CAMTA1: variants seen among roughly 807,000 people sequenced by gnomAD.
CAMTA1 encodes calmodulin-binding transcription activator 1.
A neutral mutation model predicts 170.9 loss-of-function variants in CAMTA1; 27 were observed. That is an observed-to-expected ratio of 0.16 (90% CI 0.12 to 0.22). The LOEUF (loss-of-function observed/expected upper bound fraction) is 0.22, where lower values mean the gene tolerates loss of function less well. Among genes scored for constraint, CAMTA1 ranks in the 10% least tolerant of loss-of-function variants. The probability of loss-of-function intolerance (pLI) is 1.00; values close to 1 mark genes in which losing one functional copy is unlikely to be tolerated. For synonymous variants in CAMTA1, 833 were observed against 891.5 expected (o/e 0.93, Z 1.17); for missense variants, 1,619 against 2,217.2 (o/e 0.73, Z 5.42).
At chr1:7,269,499 A>T (rs543293644) in intron 5 of CAMTA1, among the ~76,000 whole-genome samples, 2 of 152,250 alleles carry the variant, frequency 1.3e-5, no homozygotes, top group African/African-American at 4.8e-5. Flanking sequence ...CAATATGCCC[A>T]GAATCAACAG....
intron 4 of CAMTA1, among the ~76,000 whole-genome samples, chr1:7,221,906 T>TACCCACACACAC (rs1660839050): frequency 6.8e-6 from 1 of 147,552 alleles, no homozygotes; most frequent in Admixed American, 6.7e-5. Flanking sequence ...AGCTGGTGCA[T>TACCCACACACAC]ACACACACAC....
At chr1:7,621,410 T>G (rs897332766) in intron 6 of CAMTA1, among the ~76,000 whole-genome samples, 1 of 152,228 alleles carries the variant, frequency 6.6e-6, no homozygotes, top group East Asian at 1.9e-4. Flanking sequence ...GAATTTCCCC[T>G]TGGCTCCTGA....
At chr1:7,295,149 G>GT (rs908702221) in intron 5 of CAMTA1, among the ~76,000 whole-genome samples, 18 of 152,018 alleles carry the variant, frequency 1.2e-4, no homozygotes, top group South Asian at 6.2e-4. Flanking sequence ...TGGCTTTGGG[G>GT]TTTTTTTTGT....
At chr1:7,136,103 A>G (rs1429758365) in intron 4 of CAMTA1, among the ~76,000 whole-genome samples, 3 of 152,176 alleles carry the variant, frequency 2.0e-5, no homozygotes, top group Non-Finnish European at 4.4e-5. Context: ...CCCTGGTGCT[A>G]TAAGATTCCA....
chr1:7,083,747 A>G (rs1009113), intron 3 of CAMTA1, among the ~76,000 whole-genome samples: 133,889 of 152,240 alleles, frequency 0.88, 59,270 homozygotes, highest in African/African-American at 0.97. Context: ...CCGTAAACAT[A>G]TTGGTTAGAA....
rs1476000326 is a variant in CAMTA1 at position 7,493,129 on chromosome 1, GACAT to G, written c.510+25232_510+25235del. Among the ~76,000 whole-genome samples the G allele has an allele frequency of 7.4e-5, 8 of 108,076 alleles. No individual in the cohort carries two copies. In the South Asian group the frequency reaches 1.9e-3, roughly 25 times the overall value. The allele number at this position is 108,076 out of a possible 152,430, so 70.9% of individuals were successfully genotyped here. On this transcript the variant is annotated intron_variant, in intron 6 of 22. Coordinates refer to ENST00000303635, the MANE Select transcript of CAMTA1 (RefSeq NM_015215.4). ...CTACATACACACACGCGCACACACAGACATACAAACGTGAGCACACAACACAAAC... is the reference window on the plus strand; with the variant it reads ...CTACATACACACACGCGCACACACAGACAAACGTGAGCACACAACACAAAC...
At chr1:6,977,488 G>A (rs750480939) in intron 3 of CAMTA1, among the ~76,000 whole-genome samples, 6 of 152,138 alleles carry the variant, frequency 3.9e-5, no homozygotes, top group East Asian at 1.9e-4. Context: ...CTACACGTGC[G>A]TGCCACCACA....
At chr1:7,500,935 G>A (rs1476545305) in intron 6 of CAMTA1, among the ~76,000 whole-genome samples, 1 of 152,162 alleles carries the variant, frequency 6.6e-6, no homozygotes, top group Non-Finnish European at 1.5e-5. Flanking sequence ...AGGGGTCCCA[G>A]GCAGAAACTC....
At chr1:7,147,972 C>G (rs368304377) in intron 4 of CAMTA1, among the ~76,000 whole-genome samples, 2,300 of 151,720 alleles carry the variant, frequency 0.015, 65 homozygotes, top group African/African-American at 0.054. Context: ...ACACCATGCA[C>G]ACATGCATGC....
chr1:7,532,644 C>G lies in CAMTA1; in HGVS notation c.510+64743C>G, dbSNP rs141843787. The stretch of plus-strand genomic sequence containing the variant: ...ATTGAAACTTACAAAAAGCATAGGG[C>G]TTGGCAACCTCCCTCTTCTCCCTGG... On this transcript the variant is annotated intron_variant, in intron 6 of 22. Transcript: ENST00000303635. The surrounding 1 kb of genome is among the most constrained non-coding windows in gnomAD (Gnocchi z 4.2). Among the ~76,000 whole-genome samples the G allele has an allele frequency of 2.3e-3, 345 of 152,302 alleles. 1 individual carries two copies. Among genetic ancestry groups the G allele is most frequent in the African/African-American group, 7.9e-3 (329 of 41,568 alleles).
chr1:6,820,395 G>A, intron 2 of CAMTA1, 145 bp downstream of exon 2: 1 of 706,920 alleles, frequency 1.4e-6, no homozygotes, highest in Non-Finnish European at 2.4e-6. Context: ...TCTTAGATGA[G>A]TTACTTAATC....
chr1:6,963,483 C>T (rs550904829), intron 3 of CAMTA1, among the ~76,000 whole-genome samples: 8 of 152,040 alleles, frequency 5.3e-5, no homozygotes, highest in Admixed American at 1.3e-4. Context: ...GACCTATAAA[C>T]CCTGTTCTTC....
intron 6 of CAMTA1, among the ~76,000 whole-genome samples, chr1:7,604,063 G>T (rs1218253091): frequency 6.6e-6 from 1 of 152,202 alleles, no homozygotes; most frequent in East Asian, 1.9e-4. Context: ...CTGTTACTCT[G>T]ATGGGCTTCC....
intron 3 of CAMTA1, among the ~76,000 whole-genome samples, chr1:6,861,113 G>A (rs920171639): frequency 6.6e-6 from 1 of 151,778 alleles, no homozygotes; most frequent in African/African-American, 2.4e-5. Context: ...ATGCCACCAC[G>A]CCCGGCTAAT....
rs184298035 is a variant in CAMTA1 at position 7,072,280 on chromosome 1, A to G, written c.235-19024A>G. ...GCTGGTTGGCTATTTCTGACTTTTGAGGTTGTCAGGCAACATGTCTGGGCA... is the reference window on the plus strand; with the variant it reads ...GCTGGTTGGCTATTTCTGACTTTTGGGGTTGTCAGGCAACATGTCTGGGCA... On this transcript the variant is annotated intron_variant, in intron 3 of 22. Coordinates refer to ENST00000303635, the MANE Select transcript of CAMTA1 (RefSeq NM_015215.4). 2.0e-5 allele frequency among the ~76,000 whole-genome samples: 3 copies of G among 152,266 alleles called. No homozygotes were observed. The East Asian group carries it at 5.8e-4, about 29-fold the overall frequency.
At chr1:7,583,913 A>T (rs72867129) in intron 6 of CAMTA1, among the ~76,000 whole-genome samples, 1 of 152,060 alleles carries the variant, frequency 6.6e-6, no homozygotes, top group Non-Finnish European at 1.5e-5. Context: ...GTGGCATCAG[A>T]TCTGGGCTCT....
At chr1:7,400,178 C>A (rs2089782323) in intron 5 of CAMTA1, among the ~76,000 whole-genome samples, 1 of 152,096 alleles carries the variant, frequency 6.6e-6, no homozygotes, top group Admixed American at 6.6e-5. Context: ...ATTCTGTTTT[C>A]TCTTTTGTAC....
intron 9 of CAMTA1, among the ~76,000 whole-genome samples, chr1:7,669,881 G>A (rs1470358768): frequency 2.0e-5 from 3 of 152,320 alleles, no homozygotes; most frequent in East Asian, 1.9e-4. Context: ...CCAAGGTGCC[G>A]TCCACCTCGC....
intron 18 of CAMTA1, among the ~76,000 whole-genome samples, chr1:7,746,956 T>C (rs11121017): frequency 0.41 from 62,727 of 152,152 alleles, 14,532 homozygotes; most frequent in Middle Eastern, 0.65. Flanking sequence ...CTATTCTACC[T>C]TGCCATCCTG....
Sources: gnomAD v4.1 joint callset for allele counts (sites outside exome capture counted in the v4.1 genomes callset) on GRCh38, gnomAD v4.1.1 for gene constraint, Gnocchi (gnomAD v3.1) non-coding constraint, MANE v1.5 for transcripts, NCBI Gene and HGNC (gene_info 2026-07-23, HGNC 2026-07-21) for gene names.